The following PRKACB variants were observed in gnomAD, a reference collection of about 807,000 sequenced individuals.
PRKACB encodes protein kinase cAMP-activated catalytic subunit beta, also known as cAMP-dependent protein kinase catalytic subunit beta.
PRKACB carries 16 observed loss-of-function variants against 51.4 expected under a neutral mutation model. That is an observed-to-expected ratio of 0.31 (90% CI 0.21 to 0.47). The LOEUF (loss-of-function observed/expected upper bound fraction) is 0.47. Ranked by LOEUF, PRKACB falls within the 20% of genes least tolerant of loss-of-function variation. The probability of loss-of-function intolerance (pLI) is 1.00; values close to 1 mark genes in which losing one functional copy is unlikely to be tolerated. For synonymous variants in PRKACB, 147 were observed against 154.4 expected (o/e 0.95, Z 0.35); for missense variants, 309 against 464.5 (o/e 0.67, Z 3.08).
chr1:84,109,421 A>T (rs1030881668), intron 1 of PRKACB, among the ~76,000 whole-genome samples: 1 of 151,904 alleles, frequency 6.6e-6, no homozygotes, highest in Non-Finnish European at 1.5e-5. Context: ...CATTCTGATG[A>T]ATGTTAGAGT....
chr1:84,092,202 T>G (rs1161741894), intron 1 of PRKACB, among the ~76,000 whole-genome samples: 1 of 152,308 alleles, frequency 6.6e-6, no homozygotes, highest in East Asian at 1.9e-4. Context: ...AGAAATAGAA[T>G]ATTACTGAAA....
intron 1 of PRKACB, among the ~76,000 whole-genome samples, chr1:84,155,746 C>T (rs1655418908): frequency 6.6e-6 from 1 of 152,160 alleles, no homozygotes; most frequent in Non-Finnish European, 1.5e-5. Context: ...TGGTTGCTTT[C>T]AGCTTTGGTG....
chr1:84,124,683 T>A (rs1571679497), intron 1 of PRKACB, among the ~76,000 whole-genome samples: 1 of 152,120 alleles, frequency 6.6e-6, no homozygotes, highest in South Asian at 2.1e-4. Flanking sequence ...CTCATGTGAG[T>A]GAAAGGAGTG....
chr1:84,087,905 C>T (rs1365638969), intron 1 of PRKACB, among the ~76,000 whole-genome samples: 1 of 152,000 alleles, frequency 6.6e-6, no homozygotes, highest in Non-Finnish European at 1.5e-5. Flanking sequence ...TTTTTATTCC[C>T]TAGCCAGTGA....
chr1:84,192,771 A>G (rs933839390), intron 5 of PRKACB, among the ~76,000 whole-genome samples: 1 of 152,212 alleles, frequency 6.6e-6, no homozygotes, highest in Non-Finnish European at 1.5e-5. Flanking sequence ...TAAGAACAAC[A>G]GACTGTTTGA....
chr1:84,109,391 C>T (rs1236079586), intron 1 of PRKACB, among the ~76,000 whole-genome samples: 2 of 151,838 alleles, frequency 1.3e-5, no homozygotes, highest in African/African-American at 2.4e-5. Context: ...TTTGGTTTTT[C>T]CTTTCACTTT....
At chr1:84,165,458 C>A (rs1345932907) in intron 1 of PRKACB, among the ~76,000 whole-genome samples, 1 of 151,616 alleles carries the variant, frequency 6.6e-6, no homozygotes. Context: ...AAATAAGATG[C>A]TGCCAGAATT....
intron 1 of PRKACB, among the ~76,000 whole-genome samples, chr1:84,126,939 T>C (rs1651670180): frequency 6.6e-6 from 1 of 152,238 alleles, no homozygotes; most frequent in Non-Finnish European, 1.5e-5. Flanking sequence ...ACTTTTGCAG[T>C]AGTCCTTAAC....
At chr1:84,183,207 C>T (rs952225643) in intron 3 of PRKACB, among the ~76,000 whole-genome samples, 2 of 151,902 alleles carry the variant, frequency 1.3e-5, no homozygotes, top group African/African-American at 4.8e-5. Flanking sequence ...TACACATATA[C>T]AAGAAAATTA....
intron 9 of PRKACB, among the ~76,000 whole-genome samples, chr1:84,222,106 C>G (rs187849257): frequency 3.3e-5 from 5 of 152,138 alleles, no homozygotes; most frequent in African/African-American, 1.2e-4. Context: ...TCTGTGTGCT[C>G]TAGTATTGGA....
chr1:84,165,131 G>A lies in PRKACB; in HGVS notation c.188-14046G>A, dbSNP rs181920951. 2.1e-5 allele frequency: 18 copies of A among 860,342 alleles called. No individual in the cohort carries two copies. The Admixed American group carries it at 4.9e-4, about 24-fold the overall frequency. 53.3% of individuals were successfully genotyped at this position (860,342 alleles called of 1,614,324 possible). ...CAGCTACTGTGAATTATATTTTGTG[G>A]TGACGCTTTTGTACTTAGGCATTAT... On this transcript the variant is annotated intron_variant, in intron 1 of 9. Transcript: ENST00000370685.
intron 5 of PRKACB, among the ~76,000 whole-genome samples, chr1:84,191,055 G>T (rs1041284650): frequency 1.2e-4 from 18 of 152,004 alleles, no homozygotes; most frequent in Non-Finnish European, 2.2e-4. Flanking sequence ...TTTTGATCCT[G>T]TTATTATGTT....
At chr1:84,219,851 G>A (rs886970587) in intron 9 of PRKACB, among the ~76,000 whole-genome samples, 1 of 151,848 alleles carries the variant, frequency 6.6e-6, no homozygotes, top group Non-Finnish European at 1.5e-5. Flanking sequence ...AGTTACTATA[G>A]CTTTATAGTA....
At chr1:84,214,816 C>A (rs1672659100) in intron 9 of PRKACB, among the ~76,000 whole-genome samples, 1 of 152,054 alleles carries the variant, frequency 6.6e-6, no homozygotes, top group Admixed American at 6.6e-5. Context: ...AAAAAGAAAG[C>A]ATATATGCTA....
chr1:84,159,878 G>T (rs559245242), intron 1 of PRKACB, among the ~76,000 whole-genome samples: 2 of 152,038 alleles, frequency 1.3e-5, no homozygotes, highest in African/African-American at 2.4e-5. Flanking sequence ...AACATAGTTC[G>T]TTAATTGATT....
chr1:84,144,721 G>A (rs1653807607), intron 1 of PRKACB, among the ~76,000 whole-genome samples, 173 bp downstream of exon 1: 1 of 152,088 alleles, frequency 6.6e-6, no homozygotes, highest in South Asian at 2.1e-4. Flanking sequence ...AAGTTGAGCT[G>A]AATCATTCAG....
At position 84,134,840 on chromosome 1, in the gene PRKACB, C is replaced by T. The variant is rs557897155; in HGVS notation, c.47-44337C>T. 2.6e-5 allele frequency among the ~76,000 whole-genome samples: 4 copies of T among 152,286 alleles called. No individual in the cohort carries two copies. In the East Asian group the frequency reaches 5.8e-4, roughly 22 times the overall value. On this transcript the variant is annotated intron_variant, in intron 1 of 8. Coordinates refer to the PRKACB transcript ENST00000370688. ...AGAAAAGCAAGACTTCCTCCCATCT[C>T]TTATGACATGGCAGTTATTCATTTT...
intron 1 of PRKACB, chr1:84,173,398 A>T (rs183551740): frequency 4.5e-4 from 650 of 1,443,388 alleles, no homozygotes; most frequent in Non-Finnish European, 5.9e-4. Context: ...TACTTTGATT[A>T]TCGTAAGCTA....
chr1:84,183,278 G>C (rs1664103791), intron 3 of PRKACB, among the ~76,000 whole-genome samples: 1 of 151,868 alleles, frequency 6.6e-6, no homozygotes, highest in Admixed American at 6.6e-5. Flanking sequence ...ATATGGAATA[G>C]AATCACAGTC....
Sources: gnomAD v4.1 joint callset for allele counts (sites outside exome capture counted in the v4.1 genomes callset) on GRCh38, gnomAD v4.1.1 for gene constraint, MANE v1.5 for transcripts, NCBI Gene and HGNC (gene_info 2026-07-23, HGNC 2026-07-21) for gene names.